Variants in COL4A4 observed in about 807,000 individuals in gnomAD.
COL4A4 encodes collagen type IV alpha 4 chain.
Under a neutral mutation model 192.9 loss-of-function variants are expected in COL4A4, and 105 were observed. The ratio of observed to expected loss-of-function variants is 0.54; its 90% CI spans 0.46 to 0.64. The LOEUF (loss-of-function observed/expected upper bound fraction) is 0.64, where lower values mean the gene tolerates loss of function less well. Ranked by LOEUF, COL4A4 falls within the 30% of genes least tolerant of loss-of-function variation. The pLI is 0.00. For missense variants in COL4A4, 1,967 were observed against 2,169.3 expected (o/e 0.91, Z 1.85); for synonymous variants, 762 against 769.9 (o/e 0.99, Z 0.17).
rs55920884 is a variant in COL4A4, at chr2:227,056,230, G to A, written c.2546-115C>T. 0.023 allele frequency: 20,748 copies of A among 914,566 alleles called. 304 individuals carry two copies. Among genetic ancestry groups the A allele is most frequent in the Non-Finnish European group, 0.03 (16,600 of 560,766 alleles). The allele number at this position is 914,566 out of a possible 1,614,324, so 56.7% of individuals were successfully genotyped here. A position where few individuals can be genotyped will look rare whatever the true frequency, so the allele number is the denominator to read the frequency against. ...GTTAAACAACAGTAAAGCAATATTT[G>A]TTGGCTAAAATAACAGTAGCAACTT... On this transcript the variant is annotated intron_variant, in intron 29 of 47. Coordinates refer to ENST00000396625, the MANE Select transcript of COL4A4 (RefSeq NM_000092.5).
chr2:227,021,825 AAAAATAAAAT>A (rs58851340), intron 44 of COL4A4, among the ~76,000 whole-genome samples: 101 of 149,146 alleles, frequency 6.8e-4, no homozygotes, highest in South Asian at 1.5e-3. Flanking sequence ...ACTCCATCTC[AAAAATAAAAT>A]AAAATAAAAT....
chr2:227,079,832 C>T (rs2059223862), intron 24 of COL4A4, among the ~76,000 whole-genome samples: 1 of 152,208 alleles, frequency 6.6e-6, no homozygotes, highest in African/African-American at 2.4e-5. Flanking sequence ...TTCAGAAATA[C>T]TGCACATATT....
chr2:227,048,540 T>C (rs1364353597), intron 34 of COL4A4, among the ~76,000 whole-genome samples: 1 of 152,088 alleles, frequency 6.6e-6, no homozygotes, highest in Admixed American at 6.6e-5. Context: ...ATGAAGCCAG[T>C]TGGTAGACAG....
chr2:226,993,082 G>T, the COL4A4 span, among the ~76,000 whole-genome samples: 1 of 152,236 alleles, frequency 6.6e-6, no homozygotes, highest in South Asian at 2.1e-4. Context: ...CTGCAAATGG[G>T]TCCAAGGCCG....
chr2:227,043,547 A>G (rs1971871773), intron 35 of COL4A4, among the ~76,000 whole-genome samples: 1 of 152,152 alleles, frequency 6.6e-6, no homozygotes, highest in Non-Finnish European at 1.5e-5. Flanking sequence ...TAACTAATTC[A>G]ATTTATTTTA....
At chr2:227,106,467 G>A (rs1302940477) in intron 12 of COL4A4, among the ~76,000 whole-genome samples, 1 of 152,198 alleles carries the variant, frequency 6.6e-6, no homozygotes, top group Non-Finnish European at 1.5e-5. Context: ...TATCATGTAG[G>A]CATAAATAGC....
the COL4A4 span, among the ~76,000 whole-genome samples, chr2:226,969,333 G>C: frequency 1.3e-5 from 2 of 149,266 alleles, no homozygotes; most frequent in African/African-American, 4.9e-5. Context: ...CTGTATATAA[G>C]TCTGTGCCCA....
intron 1 of COL4A4, among the ~76,000 whole-genome samples, chr2:227,161,503 C>T (rs2064830203): frequency 6.6e-6 from 1 of 152,172 alleles, no homozygotes; most frequent in African/African-American, 2.4e-5. Context: ...GACCCAAAGA[C>T]AATTTTTTTA....
intron 7 of COL4A4, among the ~76,000 whole-genome samples, chr2:227,116,381 G>A (rs753770584): frequency 1.3e-5 from 2 of 152,164 alleles, no homozygotes; most frequent in Non-Finnish European, 2.9e-5. Flanking sequence ...TGGGACTAAT[G>A]GGTCAGTTTC....
chr2:227,093,799 T>G (rs1407902619), intron 20 of COL4A4, among the ~76,000 whole-genome samples: 2 of 152,176 alleles, frequency 1.3e-5, no homozygotes, highest in Non-Finnish European at 2.9e-5. Context: ...CGGCTCTCCC[T>G]GGGCAGTGGG....
At chr2:227,000,884 C>T (rs1250892816), downstream of COL4A4, among the ~76,000 whole-genome samples, 1 of 152,052 alleles carries the variant, frequency 6.6e-6, no homozygotes, top group East Asian at 1.9e-4. Flanking sequence ...AAAAGGGGAG[C>T]TTCCCTGCAC....
the COL4A4 span, among the ~76,000 whole-genome samples, chr2:226,990,801 C>T: frequency 6.6e-6 from 1 of 152,170 alleles, no homozygotes; most frequent in Non-Finnish European, 1.5e-5. Flanking sequence ...TTCTTTGAAG[C>T]ATGCTCACTG....
Position 227,060,120 on chromosome 2 carries a change from A to AAC in COL4A4, c.2164+15_2164+16insGT, listed in dbSNP as rs1553644255. Reference sequence around the variant, plus strand: ...AAAGCAGAAAAAAAAAAAAAAAAAAAAAAAACCTCACTGACCAGGTGGACC... The same window carrying AAC: ...AAAGCAGAAAAAAAAAAAAAAAAAAAACAAAAACCTCACTGACCAGGTGGACC... On this transcript the variant is annotated intron_variant, in intron 27 of 47. Coordinates refer to ENST00000396625, the MANE Select transcript of COL4A4 (RefSeq NM_000092.5). 5 of 1,403,946 alleles carry AAC rather than the reference A, an allele frequency of 3.6e-6. No individual in the cohort carries two copies. Among genetic ancestry groups the AAC allele is most frequent in the South Asian group, 1.3e-5 (1 of 79,304 alleles). 87.0% of individuals were successfully genotyped at this position (1,403,946 alleles called of 1,614,324 possible).
intron 43 of COL4A4, among the ~76,000 whole-genome samples, chr2:227,023,060 C>T (rs1251405773): frequency 6.6e-6 from 1 of 152,070 alleles, no homozygotes; most frequent in African/African-American, 2.4e-5. Context: ...AACCAGAGTT[C>T]CTGAGTCAGA....
rs2059358272 is a variant in COL4A4 at position 227,082,125 on chromosome 2, T to G, written c.1686A>C (p.Ser562=). ...NKGAKGDMVV[S]RVKGHKGERG... The stretch of plus-strand genomic sequence containing the variant: ...ATTGATTATGCTCACCTTTAACTCT[T>G]GATACAACCATGTCACCCTTCGCCC... The change falls in exon 23 of 48, where the codon TCA becomes TCC. Residue 562 remains serine (S), a synonymous_variant. Transcript: ENST00000396625. 6.2e-7 allele frequency: 1 copy of G among 1,614,166 alleles called. No individual in the cohort carries two copies. The highest frequency in any genetic ancestry group is 8.5e-7 in the Non-Finnish European group (1 of 1,179,988).
At chr2:227,029,549 A>ACACTTGG (rs1967799309) in intron 41 of COL4A4, among the ~76,000 whole-genome samples, 1 of 152,104 alleles carries the variant, frequency 6.6e-6, no homozygotes, top group African/African-American at 2.4e-5. Context: ...GCCTTATTTC[A>ACACTTGG]CACTTGGTTC....
At position 227,060,142 on chromosome 2, in the gene COL4A4, G is replaced by A. The variant is rs1282108781; in HGVS notation, c.2158C>T (p.Pro720Ser). Residue 720 changes from proline (P) to serine (S), a missense_variant, in exon 27 of 48, where the codon CCA (proline) becomes TCA (serine). Pro to Ser is a moderately conservative substitution (Grantham distance 74). Transcript: ENST00000396625. The part of the protein sequence containing the change: ...GTPGTAEIPG[P>S]PGFRGDMGDP... The stretch of plus-strand genomic sequence containing the variant: ...AAAAAAAAACCTCACTGACCAGGTG[G>A]ACCTGGTATTTCCGCTGTTCCTGGT... The A allele has an allele frequency of 7.7e-7, 1 of 1,291,450 alleles. No homozygotes were observed. Among genetic ancestry groups the A allele is most frequent in the Non-Finnish European group, 1.1e-6 (1 of 910,856 alleles). The allele number at this position is 1,291,450 out of a possible 1,614,324, so 80.0% of individuals were successfully genotyped here. A position where few individuals can be genotyped will look rare whatever the true frequency, so the allele number is the denominator to read the frequency against.
chr2:227,070,094 A>G (rs1194401508), intron 25 of COL4A4, among the ~76,000 whole-genome samples: 1 of 152,158 alleles, frequency 6.6e-6, no homozygotes, highest in Non-Finnish European at 1.5e-5. Context: ...GAAGACATTT[A>G]TGCAGCCAAA....
chr2:227,060,246 A>G lies in COL4A4; in HGVS notation c.2057-3T>C. 1 of 1,600,150 alleles carries G rather than the reference A, an allele frequency of 6.2e-7. No homozygotes were observed. Among genetic ancestry groups the G allele is most frequent in the Non-Finnish European group, 8.6e-7 (1 of 1,168,060 alleles). On this transcript the variant is annotated splice_polypyrimidine_tract_variant and splice_region_variant and intron_variant, in intron 26 of 47. Transcript: ENST00000396625. ...GGGACCTGGAAATCCCTTCGGACCTAAACAATAATAAAAACAAAACACAGA... is the reference window on the plus strand; with the variant it reads ...GGGACCTGGAAATCCCTTCGGACCTGAACAATAATAAAAACAAAACACAGA...
Sources: allele counts gnomAD v4.1 joint callset (sites outside exome capture counted in the v4.1 genomes callset), GRCh38; gene constraint gnomAD v4.1.1; transcripts MANE v1.5; gene names NCBI Gene and HGNC (gene_info 2026-07-23, HGNC 2026-07-21).